The following SLC22A25 variants were observed in gnomAD, a reference collection of about 807,000 sequenced individuals.
The protein encoded by SLC22A25 is MGI:2442751, MGI:2385316, MGI:3042283, MGI:3645714, MGI:3605624, MGI:2442750.
A neutral mutation model predicts 45.9 loss-of-function variants in SLC22A25; 44 were observed. That is an observed-to-expected ratio of 0.96 (90% CI 0.75 to 1.23). The LOEUF (loss-of-function observed/expected upper bound fraction) is 1.23. Among genes scored for constraint, SLC22A25 ranks in the 50% most tolerant of loss-of-function variants. SLC22A25 has a pLI of 0.00. For synonymous variants in SLC22A25, 283 were observed against 238.6 expected (o/e 1.19, Z -1.72); for missense variants, 800 against 666.4 (o/e 1.20, Z -2.21).
intron 1 of SLC22A25, among the ~76,000 whole-genome samples, chr11:63,242,754 A>G (rs770941642): frequency 2.0e-5 from 3 of 152,070 alleles, no homozygotes; most frequent in Non-Finnish European, 4.4e-5. Context: ...TGTGATCCCT[A>G]TGTTGCTGCC....
intron 5 of SLC22A25, among the ~76,000 whole-genome samples, chr11:63,219,519 T>C (rs1368180598): frequency 2.6e-5 from 4 of 152,232 alleles, no homozygotes; most frequent in Non-Finnish European, 5.9e-5. Context: ...AAATCCACTA[T>C]GTGAATATCC....
At chr11:63,227,404 T>A (rs1232494789) in intron 5 of SLC22A25, among the ~76,000 whole-genome samples, 1 of 152,144 alleles carries the variant, frequency 6.6e-6, no homozygotes, top group South Asian at 2.1e-4. Flanking sequence ...AGGCAGCAGA[T>A]TCCCTTCTGG....
In SLC22A25 at chr11:63,164,584, A is replaced by C; in HGVS notation, c.1336T>G (p.Ser446Ala). ...VLATLGVGAASLGITCSTAQE... is the reference protein window; with the variant it reads ...VLATLGVGAAALGITCSTAQE... Reference sequence around the variant, plus strand: ...GCAGTAGAACAGGTAATGCCAAGAGAAGCAGCTCCCACACCCAGGGTTGCC... The same window carrying C: ...GCAGTAGAACAGGTAATGCCAAGAGCAGCAGCTCCCACACCCAGGGTTGCC... Residue 446 changes from serine to alanine, a missense_variant, in exon 11 of 12, where the codon TCT becomes GCT. Coordinates refer to ENST00000306494, the MANE Select transcript of SLC22A25 (RefSeq NM_199352.6). The C allele has an allele frequency of 6.2e-7, 1 of 1,613,882 alleles. No individual in the cohort carries two copies. Among genetic ancestry groups the C allele is most frequent in the Non-Finnish European group, 8.5e-7 (1 of 1,179,842 alleles).
At chr11:63,240,602 C>A (rs1273737856) in intron 1 of SLC22A25, among the ~76,000 whole-genome samples, 1 of 151,972 alleles carries the variant, frequency 6.6e-6, no homozygotes, top group African/African-American at 2.4e-5. Flanking sequence ...CACAGCTGTA[C>A]AAGAATTTTT....
At chr11:63,198,835 T>C (rs2089145808) in intron 7 of SLC22A25, among the ~76,000 whole-genome samples, 1 of 152,090 alleles carries the variant, frequency 6.6e-6, no homozygotes, top group African/African-American at 2.4e-5. Flanking sequence ...ATGGCAGAAA[T>C]CAAGAAATTC....
At chr11:63,217,773 A>G (rs772477297) in intron 5 of SLC22A25, 38 bp from the exon 6 acceptor site, 1 of 1,567,666 alleles carries the variant, frequency 6.4e-7, no homozygotes, top group Non-Finnish European at 8.6e-7. Context: ...GGGAACAATA[A>G]CAACCTTTGG....
chr11:63,238,506 C>T (rs1159262923), intron 2 of SLC22A25, among the ~76,000 whole-genome samples: 1 of 152,162 alleles, frequency 6.6e-6, no homozygotes, highest in East Asian at 1.9e-4. Flanking sequence ...AGAATGAAAG[C>T]ACTATGATAG....
At chr11:63,232,031 T>C (rs2090078265) in intron 3 of SLC22A25, among the ~76,000 whole-genome samples, 1 of 152,242 alleles carries the variant, frequency 6.6e-6, no homozygotes, top group East Asian at 1.9e-4. Flanking sequence ...TTTTGGTTAC[T>C]GTAGCCTTGT....
At chr11:63,166,555 C>T (rs1184378460) in intron 9 of SLC22A25, 2 of 1,067,206 alleles carry the variant, frequency 1.9e-6, no homozygotes, top group Non-Finnish European at 2.3e-6. Context: ...CCAATGTAGC[C>T]ACATGGCATC....
At position 63,161,059 on chromosome 11, in the gene SLC22A25, G is replaced by A. The variant is rs1253072409; in HGVS notation, c.*2765C>T. On this transcript the variant is annotated 3_prime_UTR_variant, in exon 12 of 12. Coordinates refer to ENST00000306494, the MANE Select transcript of SLC22A25 (RefSeq NM_199352.6). ...ACTGGATAATTTATAAAGAAAAAAG[G>A]TTTAATGGACTCACAGCTCCATGTG... Among the ~76,000 whole-genome samples, 1 of 152,188 alleles carries A rather than the reference G, an allele frequency of 6.6e-6. No homozygotes were observed. Among genetic ancestry groups the A allele is most frequent in the Non-Finnish European group, 1.5e-5 (1 of 68,028 alleles).
intron 7 of SLC22A25, among the ~76,000 whole-genome samples, chr11:63,197,241 A>T (rs2089072617): frequency 1.3e-5 from 2 of 152,168 alleles, no homozygotes; most frequent in South Asian, 4.1e-4. Flanking sequence ...TCTTCAAACA[A>T]TCAGAAGAAA....
At chr11:63,188,952 T>A (rs184239136) in intron 7 of SLC22A25, among the ~76,000 whole-genome samples, 99 of 152,094 alleles carry the variant, frequency 6.5e-4, no homozygotes, top group Non-Finnish European at 2.9e-4. Flanking sequence ...TGCTGAGGAG[T>A]GCTTTACTTC....
Position 63,159,930 on chromosome 11 carries a change from G to A in SLC22A25, c.*3894C>T, listed in dbSNP as rs1449853353. On this transcript the variant is annotated 3_prime_UTR_variant, in exon 12 of 12. Transcript: ENST00000306494. ...TGGCAGCGTTTACTCCTGTCCTAGAGATTTGTGGAACTTTGAACTTGAGTA... is the reference window on the plus strand; with the variant it reads ...TGGCAGCGTTTACTCCTGTCCTAGAAATTTGTGGAACTTTGAACTTGAGTA... Among the ~76,000 whole-genome samples the A allele has an allele frequency of 3.9e-5, 6 of 152,180 alleles. No homozygotes were observed. The highest frequency in any genetic ancestry group is 6.5e-5 in the Admixed American group (1 of 15,276).
At chr11:63,201,913 T>A (rs1253550957) in intron 7 of SLC22A25, among the ~76,000 whole-genome samples, 1 of 151,874 alleles carries the variant, frequency 6.6e-6, no homozygotes, top group African/African-American at 2.4e-5. Flanking sequence ...ATGCAGAAGG[T>A]GGGTGATTTC....
intron 7 of SLC22A25, among the ~76,000 whole-genome samples, chr11:63,192,746 T>C (rs781374996): frequency 1.3e-5 from 2 of 152,158 alleles, no homozygotes; most frequent in Non-Finnish European, 2.9e-5. Flanking sequence ...AAAGAAGGCA[T>C]TACATAATGG....
chr11:63,167,968 G>C (rs934629011), intron 9 of SLC22A25: 1 of 397,386 alleles, frequency 2.5e-6, no homozygotes, highest in Non-Finnish European at 5.0e-6. Context: ...CCAGAGGAAG[G>C]AGCAGGCAGG....
Position 63,224,451 on chromosome 11 carries a change from C to G in SLC22A25, c.506+4010G>C, listed in dbSNP as rs532267318. Among the ~76,000 whole-genome samples, 340 of 152,202 alleles carry G rather than the reference C, an allele frequency of 2.2e-3. 1 individual carries two copies. Among genetic ancestry groups the G allele is most frequent in the African/African-American group, 7.9e-3 (328 of 41,538 alleles). ...CAATAATATTATTGATAAGTAAGGA[C>G]TTACTCCTGCCATTGTGTTATTTAT... On this transcript the variant is annotated intron_variant, in intron 5 of 11. Transcript: ENST00000306494.
chr11:63,215,627 T>A (rs1030607447), intron 7 of SLC22A25, among the ~76,000 whole-genome samples: 4 of 152,148 alleles, frequency 2.6e-5, no homozygotes, highest in Non-Finnish European at 1.5e-5. Flanking sequence ...TTTCTTTTTT[T>A]AATTTATTTT....
At chr11:63,217,950 C>A in intron 5 of SLC22A25, 1 of 650,536 alleles carries the variant, frequency 1.5e-6, no homozygotes, top group Non-Finnish European at 2.7e-6. Context: ...GTTTCTTCTC[C>A]AATCTGTTGC....
Sources: allele counts gnomAD v4.1 joint callset (sites outside exome capture counted in the v4.1 genomes callset), GRCh38; gene constraint gnomAD v4.1.1; transcripts MANE v1.5; gene names NCBI Gene and HGNC (gene_info 2026-07-23, HGNC 2026-07-21).